QTGAL: variants seen among roughly 807,000 people sequenced by gnomAD.
QTGAL encodes the protein BGnT-like protein 1.
the QTGAL span, among the ~76,000 whole-genome samples, chr17:82,979,809 T>C: frequency 2.0e-5 from 3 of 152,148 alleles, no homozygotes; most frequent in African/African-American, 7.2e-5. Flanking sequence ...AAAAACAAGT[T>C]AGAGGAAACA....
chr17:83,051,743 G>A, the QTGAL span: 2 of 1,497,588 alleles, frequency 1.3e-6, no homozygotes, highest in Non-Finnish European at 1.8e-6. Flanking sequence ...CTACCACGTG[G>A]GCCTGCATGG....
the QTGAL span, among the ~76,000 whole-genome samples, chr17:83,028,135 G>A: frequency 2.6e-5 from 4 of 152,130 alleles, no homozygotes; most frequent in Admixed American, 2.0e-4. Context: ...GCACGCTCCC[G>A]GCTCTGGTCC....
At chr17:82,984,291 C>T in the QTGAL span, among the ~76,000 whole-genome samples, 271 of 51,686 alleles carry the variant, frequency 5.2e-3, 61 homozygotes, top group African/African-American at 0.03. Flanking sequence ...CGTGAGCACA[C>T]GGGGGAGAGG....
At chr17:82,977,111 C>T in the QTGAL span, among the ~76,000 whole-genome samples, 202 of 152,352 alleles carry the variant, frequency 1.3e-3, no homozygotes, top group African/African-American at 4.5e-3. Flanking sequence ...GTAAGCCAAA[C>T]GCTGGCCCAC....
At chr17:82,996,915 A>G in the QTGAL span, among the ~76,000 whole-genome samples, 6 of 152,358 alleles carry the variant, frequency 3.9e-5, no homozygotes, top group South Asian at 1.2e-3. Context: ...TTAAAGACTT[A>G]CATTTAAGAC....
chr17:83,049,620 CAAAGTAACCCCTT>C, the QTGAL span, among the ~76,000 whole-genome samples: 6 of 151,990 alleles, frequency 3.9e-5, no homozygotes, highest in Non-Finnish European at 7.4e-5. Flanking sequence ...AAACCTGCAA[CAAAGTAACCCCTT>C]TAAGTAACCC....
chr17:82,970,025 G>A, the QTGAL span, among the ~76,000 whole-genome samples: 1 of 152,188 alleles, frequency 6.6e-6, no homozygotes, highest in South Asian at 2.1e-4. Flanking sequence ...GAAACTCTCA[G>A]AACGAACATT....
the QTGAL span, chr17:82,942,825 T>G: frequency 5.4e-6 from 2 of 370,844 alleles, no homozygotes; most frequent in Non-Finnish European, 9.9e-6. Context: ...GGCCCCCTTC[T>G]TGCCTGGTGC....
chr17:83,036,534 C>G, the QTGAL span, among the ~76,000 whole-genome samples: 3 of 152,234 alleles, frequency 2.0e-5, no homozygotes, highest in African/African-American at 4.8e-5. Flanking sequence ...CAAAAAATCT[C>G]TGTCTTCAAA....
the QTGAL span, among the ~76,000 whole-genome samples, chr17:83,042,964 A>C: frequency 6.6e-6 from 1 of 152,236 alleles, no homozygotes; most frequent in African/African-American, 2.4e-5. Flanking sequence ...AGAAAGAGTC[A>C]ATTGATCAAG....
At chr17:82,980,389 C>T in the QTGAL span, among the ~76,000 whole-genome samples, 1 of 152,182 alleles carries the variant, frequency 6.6e-6, no homozygotes, top group African/African-American at 2.4e-5. Context: ...GTCAGGCATC[C>T]TCTAACTCAA....
the QTGAL span, among the ~76,000 whole-genome samples, chr17:83,038,781 C>G: frequency 9.6e-4 from 146 of 152,144 alleles, no homozygotes; most frequent in African/African-American, 3.4e-3. Flanking sequence ...ATGGCGAGAA[C>G]CTGGGAGGTG....
At chr17:83,006,443 G>A in the QTGAL span, 1 of 984,766 alleles carries the variant, frequency 1.0e-6, no homozygotes, top group Non-Finnish European at 1.2e-6. This position sits in a 1 kb window ranked among gnomAD's most constrained non-coding sequence, Gnocchi z 5.8. Context: ...CAACTGTAGA[G>A]AGACCCTCTG....
the QTGAL span, among the ~76,000 whole-genome samples, chr17:82,966,590 C>T: frequency 2.0e-5 from 3 of 152,086 alleles, no homozygotes; most frequent in East Asian, 1.9e-4. Flanking sequence ...ACATCAGGGG[C>T]GTCAGTGGTG....
the QTGAL span, among the ~76,000 whole-genome samples, chr17:82,958,958 GT>G: frequency 5.1e-4 from 41 of 79,636 alleles, 4 homozygotes; most frequent in South Asian, 1.7e-3. Flanking sequence ...GGGGGTGTAT[GT>G]GTGTGTGTGT....
the QTGAL span, chr17:83,048,697 T>G: frequency 1.2e-6 from 2 of 1,614,006 alleles, no homozygotes; most frequent in Non-Finnish European, 1.7e-6. Flanking sequence ...AACAGACAGC[T>G]CCATGGTACC....
the QTGAL span, chr17:82,978,567 G>T: frequency 6.6e-6 from 1 of 152,156 alleles, no homozygotes; most frequent in African/African-American, 2.4e-5. The surrounding 1 kb of genome is among the most constrained non-coding windows in gnomAD (Gnocchi z 4.8). Flanking sequence ...CGTGAACCCG[G>T]ATGCAGGTCT....
the QTGAL span, among the ~76,000 whole-genome samples, chr17:83,033,091 G>A: frequency 2.0e-5 from 3 of 152,376 alleles, no homozygotes; most frequent in African/African-American, 7.2e-5. Flanking sequence ...CCTGGCCACA[G>A]AGGAGGGACA....
the QTGAL span, among the ~76,000 whole-genome samples, chr17:83,027,988 C>T: frequency 6.6e-6 from 1 of 152,000 alleles, no homozygotes; most frequent in East Asian, 1.9e-4. Context: ...GTGGTATGCA[C>T]CTGTAGTCCC....
Sources: allele counts gnomAD v4.1 joint callset (sites outside exome capture counted in the v4.1 genomes callset), GRCh38; gene constraint gnomAD v4.1.1; non-coding constraint Gnocchi (gnomAD v3.1); transcripts MANE v1.5; gene names NCBI Gene and HGNC (gene_info 2026-07-23, HGNC 2026-07-21).